The following LRRC4C variants were observed in gnomAD, a reference collection of about 807,000 sequenced individuals.
The protein encoded by LRRC4C is leucine rich repeat containing 4C, also known as leucine-rich repeat-containing protein 4C.
A neutral mutation model predicts 33.6 loss-of-function variants in LRRC4C; 5 were observed. The observed-to-expected ratio is 0.15, with a 90% confidence interval of 0.08 to 0.31. LRRC4C has a LOEUF of 0.31. LRRC4C is among the 10% of genes least tolerant of loss of function. The pLI, the probability that LRRC4C is intolerant of heterozygous loss-of-function variation, is 1.00. For synonymous variants in LRRC4C, 329 were observed against 302.0 expected (o/e 1.09, Z -0.93); for missense variants, 560 against 796.7 (o/e 0.70, Z 3.58).
intron 1 of LRRC4C, among the ~76,000 whole-genome samples, chr11:40,982,161 G>C (rs767100235): frequency 1.3e-4 from 20 of 152,206 alleles, no homozygotes; most frequent in Non-Finnish European, 2.6e-4. Context: ...AGAAATGGCA[G>C]ATGTAGATTG....
rs542603536 is a variant in LRRC4C, at chr11:40,569,819, A to G, written c.-270+78323T>C. 8.3e-4 allele frequency among the ~76,000 whole-genome samples: 127 copies of G among 152,182 alleles called. 4 individuals are homozygous for G. The South Asian group carries it at 0.025, about 30-fold the overall frequency. Reference sequence around the variant, plus strand: ...GGAAATCTTTAAAAATAAAATATTCATAATAATTTGTGAATCAATAAAAAG... The same window carrying G: ...GGAAATCTTTAAAAATAAAATATTCGTAATAATTTGTGAATCAATAAAAAG... On this transcript the variant is annotated intron_variant, in intron 3 of 6. Coordinates refer to ENST00000528697, the MANE Select transcript of LRRC4C (RefSeq NM_001258419.2).
At chr11:40,315,661 G>T (rs1439167222) in intron 4 of LRRC4C, among the ~76,000 whole-genome samples, 1 of 151,740 alleles carries the variant, frequency 6.6e-6, no homozygotes, top group African/African-American at 2.4e-5. Flanking sequence ...TATTGCAACT[G>T]CTTACAATAC....
intron 2 of LRRC4C, among the ~76,000 whole-genome samples, chr11:40,929,236 G>T (rs1417348915): frequency 6.6e-6 from 1 of 151,996 alleles, no homozygotes; most frequent in Non-Finnish European, 1.5e-5. Flanking sequence ...GGCAAATATG[G>T]CCATCCATGC....
chr11:40,938,248 G>A (rs1310836984), intron 1 of LRRC4C, among the ~76,000 whole-genome samples: 1 of 152,084 alleles, frequency 6.6e-6, no homozygotes, highest in East Asian at 1.9e-4. Context: ...GAAAGAAAAC[G>A]TAATCTCCCT....
At chr11:41,014,103 C>A (rs982612069) in intron 1 of LRRC4C, among the ~76,000 whole-genome samples, 3 of 152,082 alleles carry the variant, frequency 2.0e-5, no homozygotes, top group Non-Finnish European at 4.4e-5. Context: ...TTCATCTATG[C>A]ATGGTGGAAG....
intron 5 of LRRC4C, among the ~76,000 whole-genome samples, chr11:40,196,541 A>G (rs117331663): frequency 0.04 from 6,110 of 152,308 alleles, 195 homozygotes; most frequent in Non-Finnish European, 0.052. Flanking sequence ...CCTCTCCTAC[A>G]TACAACACAC....
At chr11:40,329,632 A>C (rs1412444295) in intron 3 of LRRC4C, among the ~76,000 whole-genome samples, 1 of 152,202 alleles carries the variant, frequency 6.6e-6, no homozygotes, top group Non-Finnish European at 1.5e-5. Context: ...AAAACTATCC[A>C]AGAGTAGAAT....
intron 1 of LRRC4C, among the ~76,000 whole-genome samples, chr11:41,026,036 GCTA>G (rs1484195927): frequency 6.6e-6 from 1 of 151,656 alleles, no homozygotes; most frequent in African/African-American, 2.4e-5. Flanking sequence ...TGTTTTCAGG[GCTA>G]CTAATACAAC....
intron 1 of LRRC4C, among the ~76,000 whole-genome samples, chr11:41,322,346 G>A (rs562260067): frequency 1.3e-3 from 203 of 151,520 alleles, no homozygotes; most frequent in African/African-American, 4.7e-3. Flanking sequence ...ATTTGTATAG[G>A]TTTACCCTCT....
intron 2 of LRRC4C, among the ~76,000 whole-genome samples, chr11:40,792,299 T>G (rs1480124044): frequency 6.6e-6 from 1 of 152,184 alleles, no homozygotes; most frequent in African/African-American, 2.4e-5. Flanking sequence ...TATTGAAGTT[T>G]ATTTCTCGGT....
chr11:40,787,159 G>C (rs1341458634), intron 2 of LRRC4C, among the ~76,000 whole-genome samples: 1 of 152,040 alleles, frequency 6.6e-6, no homozygotes, highest in Non-Finnish European at 1.5e-5. Context: ...ATAAGAAGCA[G>C]ACCCTCTACT....
intron 2 of LRRC4C, among the ~76,000 whole-genome samples, chr11:40,885,016 T>A (rs1210775941): frequency 6.6e-6 from 1 of 151,898 alleles, no homozygotes; most frequent in East Asian, 1.9e-4. Flanking sequence ...GATGAAAAAT[T>A]ATCGACTGGG....
chr11:41,099,031 C>T (rs1022090783), intron 1 of LRRC4C, among the ~76,000 whole-genome samples: 7 of 152,102 alleles, frequency 4.6e-5, no homozygotes, highest in Admixed American at 1.3e-4. Flanking sequence ...GAAATAGAAA[C>T]AACAATCAGA....
At chr11:40,226,079 A>G (rs1037761669) in intron 5 of LRRC4C, among the ~76,000 whole-genome samples, 1 of 152,218 alleles carries the variant, frequency 6.6e-6, no homozygotes, top group South Asian at 2.1e-4. Flanking sequence ...TCTAGAAATT[A>G]TTACTCCAGT....
intron 2 of LRRC4C, among the ~76,000 whole-genome samples, chr11:40,754,738 A>G (rs1272769776): frequency 6.6e-6 from 1 of 151,782 alleles, no homozygotes; most frequent in African/African-American, 2.4e-5. Flanking sequence ...TTTTATTTCA[A>G]TTTGCCTATT....
chr11:40,435,736 T>G (rs1652672866), intron 3 of LRRC4C, among the ~76,000 whole-genome samples: 1 of 152,242 alleles, frequency 6.6e-6, no homozygotes, highest in African/African-American at 2.4e-5. Context: ...TATCAGCAAT[T>G]ATAATATTTA....
chr11:40,249,634 G>A (rs148221195), intron 4 of LRRC4C, among the ~76,000 whole-genome samples: 1,556 of 151,278 alleles, frequency 0.01, 37 homozygotes, highest in Admixed American at 0.05. Context: ...ATGCCCACAC[G>A]AAAAGAATAA....
At chr11:40,186,878 A>G (rs1861444015) in intron 5 of LRRC4C, among the ~76,000 whole-genome samples, 1 of 152,032 alleles carries the variant, frequency 6.6e-6, no homozygotes, top group Non-Finnish European at 1.5e-5. Context: ...TGTGCACCCT[A>G]CCACTTGATC....
intron 3 of LRRC4C, among the ~76,000 whole-genome samples, chr11:40,500,724 A>G (rs1301416957): frequency 6.6e-6 from 1 of 152,082 alleles, no homozygotes; most frequent in African/African-American, 2.4e-5. Flanking sequence ...TGAGAGTACA[A>G]TTCATGATGA....
Sources: allele counts gnomAD v4.1 joint callset (sites outside exome capture counted in the v4.1 genomes callset), GRCh38; gene constraint gnomAD v4.1.1; transcripts MANE v1.5; gene names NCBI Gene and HGNC (gene_info 2026-07-23, HGNC 2026-07-21).